DACH2: variants seen among roughly 807,000 people sequenced by gnomAD.
The protein encoded by DACH2 is dachshund family transcription factor 2, also known as dachshund homolog 2.
In DACH2, 17 loss-of-function variants were observed where a neutral mutation model predicts 35.8. The ratio of observed to expected loss-of-function variants is 0.48; its 90% CI spans 0.33 to 0.71. The LOEUF (loss-of-function observed/expected upper bound fraction) is 0.71, where lower values mean the gene tolerates loss of function less well. DACH2 is among the 30% of genes least tolerant of loss of function. The pLI, the probability that DACH2 is intolerant of heterozygous loss-of-function variation, is 0.02. For synonymous variants in DACH2, 195 were observed against 177.3 expected, an observed-to-expected ratio of 1.10 and a Z score of -0.79; for missense variants, 469 against 472.7, an observed-to-expected ratio of 0.99 and a Z score of 0.07.
intron 11 of DACH2, among the ~76,000 whole-genome samples, chrX:86,822,665 C>T (rs1368843791): frequency 9.0e-6 from 1 of 111,415 alleles, no homozygotes; most frequent in Non-Finnish European, 1.9e-5. Flanking sequence ...CAAAACAGTG[C>T]ATTGGGGTTC....
chrX:86,289,976 A>G (rs1362851506), intron 1 of DACH2, among the ~76,000 whole-genome samples: 3 of 102,864 alleles, frequency 2.9e-5, no homozygotes, highest in African/African-American at 3.6e-5. Context: ...TTCTAGTTCT[A>G]GATCCCTGAG....
chrX:86,320,075 T>C (rs1199297266), intron 1 of DACH2, among the ~76,000 whole-genome samples: 1 of 111,594 alleles, frequency 9.0e-6, no homozygotes. Flanking sequence ...AATAGAGATT[T>C]TTTTTCCAAA....
intron 1 of DACH2, among the ~76,000 whole-genome samples, chrX:86,214,022 A>T (rs2032510998): frequency 9.0e-6 from 1 of 110,880 alleles, no homozygotes; most frequent in African/African-American, 3.3e-5. Flanking sequence ...TCATTTACCT[A>T]ATGTAACCCA....
chrX:86,780,979 G>C (rs6524693), intron 7 of DACH2, among the ~76,000 whole-genome samples: 2 of 110,285 alleles, frequency 1.8e-5, no homozygotes, highest in African/African-American at 6.6e-5. Context: ...ACTGGGGATG[G>C]GGAGGCTGTT....
At chrX:86,444,592 A>G (rs753003519) in intron 2 of DACH2, among the ~76,000 whole-genome samples, 2 of 111,714 alleles carry the variant, frequency 1.8e-5, no homozygotes, top group Non-Finnish European at 3.8e-5. Context: ...ATTGTTCACA[A>G]TAGTTATTTT....
chrX:86,672,152 G>C (rs765162092), intron 4 of DACH2, among the ~76,000 whole-genome samples: 1 of 111,983 alleles, frequency 8.9e-6, no homozygotes. Flanking sequence ...AATTAGCCTA[G>C]CTGCTTCCAT....
At chrX:86,204,440 G>A (rs181452177) in intron 1 of DACH2, among the ~76,000 whole-genome samples, 90 of 111,761 alleles carry the variant, frequency 8.1e-4, no homozygotes, top group African/African-American at 2.8e-3. Flanking sequence ...TTGAACTTCC[G>A]TAAGTACTCC....
At chrX:86,497,071 A>G (rs1428781690) in intron 2 of DACH2, among the ~76,000 whole-genome samples, 2 of 112,149 alleles carry the variant, frequency 1.8e-5, no homozygotes, top group Non-Finnish European at 3.8e-5. Context: ...TTGTCTTACC[A>G]AGGTCTGAGA....
chrX:86,546,123 GT>G (rs199693812), intron 3 of DACH2, among the ~76,000 whole-genome samples: 5,432 of 111,408 alleles, frequency 0.049, 117 homozygotes, highest in Middle Eastern at 0.1. Flanking sequence ...TTTGCAGCAG[GT>G]TTTTTTCCTT....
chrX:86,478,393 G>T (rs1569415750), intron 2 of DACH2, among the ~76,000 whole-genome samples: 2 of 110,586 alleles, frequency 1.8e-5, no homozygotes, highest in African/African-American at 3.3e-5. Flanking sequence ...AGGGTAAAAG[G>T]TTTTTTCCTT....
chrX:86,377,244 AC>A (rs2035981473), intron 2 of DACH2, among the ~76,000 whole-genome samples: 1 of 111,179 alleles, frequency 9.0e-6, no homozygotes, highest in South Asian at 3.7e-4. Flanking sequence ...AGGTACATTC[AC>A]TTTTGCAGGG....
At chrX:86,619,448 G>T (rs964828721) in intron 3 of DACH2, among the ~76,000 whole-genome samples, 2 of 112,032 alleles carry the variant, frequency 1.8e-5, no homozygotes, top group Admixed American at 1.9e-4. Context: ...GTAGGGACAA[G>T]AGCGGATATA....
At position 86,822,586 on chromosome X, in the gene DACH2, C is replaced by A. The variant is rs12397017; in HGVS notation, c.1750+6487C>A. ...TATCTCACTGTGCATCACTATCAAT[C>A]CATTCTTGTAAAAATCTCACATAGT... On this transcript the variant is annotated intron_variant, in intron 11 of 11. Transcript: ENST00000373125. 5.7e-3 allele frequency among the ~76,000 whole-genome samples: 637 copies of A among 111,890 alleles called. 4 individuals carry two copies. The highest frequency in any genetic ancestry group is 0.019 in the African/African-American group (595 of 30,805).
intron 1 of DACH2, among the ~76,000 whole-genome samples, chrX:86,220,470 C>T (rs896632004): frequency 7.2e-5 from 8 of 111,601 alleles, no homozygotes; most frequent in African/African-American, 2.3e-4. Context: ...TGAAATTATG[C>T]AGGATTTTTC....
intron 11 of DACH2, chrX:86,831,453 T>C (rs1380392403): frequency 8.9e-6 from 1 of 111,740 alleles, no homozygotes; most frequent in African/African-American, 3.2e-5. Flanking sequence ...TTATAAGCCA[T>C]TGCTATGGAA....
intron 2 of DACH2, among the ~76,000 whole-genome samples, chrX:86,502,206 T>G (rs2038261981): frequency 1.8e-5 from 2 of 111,388 alleles, no homozygotes; most frequent in Admixed American, 9.6e-5. Flanking sequence ...ACAGGTAGAG[T>G]AGGACAAACT....
Position 86,591,541 on chromosome X carries a change from A to ATTT in DACH2, c.641-59483_641-59481dup, listed in dbSNP as rs566345938. Among the ~76,000 whole-genome samples the ATTT allele has an allele frequency of 9.9e-4, 92 of 93,222 alleles. 3 individuals carry two copies. Among genetic ancestry groups the ATTT allele is most frequent in the African/African-American group, 3.5e-3 (84 of 24,322 alleles). 81.0% of individuals were successfully genotyped at this position (93,222 alleles called of 115,157 possible). A position where few individuals can be genotyped will look rare whatever the true frequency, so the allele number is the denominator to read the frequency against. The stretch of plus-strand genomic sequence containing the variant: ...TAGGTGTCTACTCAGTTCTTTGGCT[A>ATTT]TTTTTTTTTTTTTTGAGAAGGAGTC... On this transcript the variant is annotated intron_variant, in intron 3 of 11. Transcript: ENST00000373125.
intron 5 of DACH2, among the ~76,000 whole-genome samples, chrX:86,698,530 T>G (rs1314015346): frequency 1.7e-5 from 1 of 58,825 alleles, no homozygotes; most frequent in Non-Finnish European, 3.2e-5. Context: ...TGTTTTTTTT[T>G]TTTTTTTTTT....
chrX:86,490,630 G>T (rs925233001), intron 2 of DACH2, among the ~76,000 whole-genome samples: 1 of 111,549 alleles, frequency 9.0e-6, no homozygotes, highest in Admixed American at 9.6e-5. Context: ...ATCCGGGTTT[G>T]AGATGGCTAC....
Sources: gnomAD v4.1 joint callset for allele counts (sites outside exome capture counted in the v4.1 genomes callset) on GRCh38, gnomAD v4.1.1 for gene constraint, MANE v1.5 for transcripts, NCBI Gene and HGNC (gene_info 2026-07-23, HGNC 2026-07-21) for gene names.